ANKRD44: variants seen among roughly 807,000 people sequenced by gnomAD.
The protein encoded by ANKRD44 is serine/threonine-protein phosphatase 6 regulatory ankyrin repeat subunit B.
ANKRD44 carries 35 observed loss-of-function variants against 116.0 expected under a neutral mutation model. The ratio of observed to expected loss-of-function variants is 0.30; its 90% CI spans 0.23 to 0.40. The LOEUF is 0.40. Among genes scored for constraint, ANKRD44 ranks in the 10% least tolerant of loss-of-function variants. The pLI is 1.00. For synonymous variants in ANKRD44, 435 were observed against 461.8 expected (o/e 0.94, Z 0.74); for missense variants, 1,014 against 1,242.6 (o/e 0.82, Z 2.77).
intron 16 of ANKRD44, among the ~76,000 whole-genome samples, chr2:197,056,586 T>A (rs1301634435): frequency 6.6e-6 from 1 of 152,148 alleles, no homozygotes; most frequent in Non-Finnish European, 1.5e-5. Context: ...GGCAAAGTCA[T>A]TTATTTAGGA....
At position 197,037,285 on chromosome 2, in the gene ANKRD44, C is replaced by A. The variant is rs535010730; in HGVS notation, c.1651-12018G>T. Among the ~76,000 whole-genome samples, 42 of 152,272 alleles carry A rather than the reference C, an allele frequency of 2.8e-4. 1 individual carries two copies. The highest frequency in any genetic ancestry group is 5.9e-4 in the Admixed American group (9 of 15,298). Reference sequence around the variant, plus strand: ...TGAAATGGTTGAATCAGATGATTTCCAAGGTCCCTTTAGCTATATTCTGCA... The same window carrying A: ...TGAAATGGTTGAATCAGATGATTTCAAAGGTCCCTTTAGCTATATTCTGCA... On this transcript the variant is annotated intron_variant, in intron 16 of 27. Transcript: ENST00000282272.
chr2:197,215,610 G>A (rs1574290711), intron 1 of ANKRD44, among the ~76,000 whole-genome samples: 2 of 152,086 alleles, frequency 1.3e-5, no homozygotes, highest in Non-Finnish European at 2.9e-5. Context: ...ATTTCTAGTT[G>A]AATACTATGT....
intron 21 of ANKRD44, among the ~76,000 whole-genome samples, chr2:196,967,714 T>C (rs2075684073): frequency 1.3e-5 from 2 of 152,202 alleles, no homozygotes; most frequent in South Asian, 4.1e-4. Context: ...AAGCTGATCC[T>C]ACATTAGGAA....
rs1266007439 is a variant in ANKRD44, at chr2:197,081,649, T to C, written c.1534A>G (p.Thr512Ala). The change falls in exon 15 of 28, where the codon ACA (threonine) becomes GCA (alanine). Residue 512 changes from threonine (T) to alanine (A), a missense_variant. By Grantham distance (58) the Thr-to-Ala change is moderately conservative (BLOSUM62 0). Coordinates refer to ENST00000282272, the MANE Select transcript of ANKRD44 (RefSeq NM_001195144.2). ...RARELKEKEATLCLEFLLQND... is the reference protein window; with the variant it reads ...RARELKEKEAALCLEFLLQND... ...TTAAGCTGAGAAGAAACTTACAGTGTGGCTTCCTTTTCCTTCAGCTCCCTG... is the reference window on the plus strand; with the variant it reads ...TTAAGCTGAGAAGAAACTTACAGTGCGGCTTCCTTTTCCTTCAGCTCCCTG... The C allele has an allele frequency of 6.2e-7, 1 of 1,613,614 alleles. No individual in the cohort carries two copies. The highest frequency in any genetic ancestry group is 1.1e-5 in the South Asian group (1 of 91,044).
At chr2:197,043,163 T>C (rs2076942643) in intron 16 of ANKRD44, among the ~76,000 whole-genome samples, 1 of 152,200 alleles carries the variant, frequency 6.6e-6, no homozygotes, top group African/African-American at 2.4e-5. Context: ...AGAAGAGAGG[T>C]GAAACTGTTG....
intron 7 of ANKRD44, 74 bp downstream of exon 7, chr2:197,122,576 C>T (rs1447418884): frequency 1.6e-5 from 24 of 1,518,274 alleles, no homozygotes; most frequent in South Asian, 3.9e-5. Context: ...AAAGTGCAAA[C>T]AGGATTTAAC....
intron 16 of ANKRD44, among the ~76,000 whole-genome samples, chr2:197,041,455 C>T (rs999372224): frequency 1.3e-5 from 2 of 152,138 alleles, no homozygotes; most frequent in Non-Finnish European, 2.9e-5. Flanking sequence ...TTGGCTCAAG[C>T]ATCAACTATG....
chr2:197,242,110 TGCCTTTTATGTGCCAG>T (rs1320560596), intron 1 of ANKRD44, among the ~76,000 whole-genome samples: 2 of 152,198 alleles, frequency 1.3e-5, no homozygotes, highest in Admixed American at 1.3e-4. Flanking sequence ...ATTTATTGAA[TGCCTTTTATGTGCCAG>T]GAAATGCACT....
chr2:197,195,262 T>G (rs6758791), intron 1 of ANKRD44, among the ~76,000 whole-genome samples: 9 of 151,990 alleles, frequency 5.9e-5, no homozygotes, highest in Admixed American at 1.3e-4. Context: ...ATTACAGTCA[T>G]GAGCACTGTA....
At chr2:197,000,291 T>C in intron 23 of ANKRD44, 128 bp downstream of exon 23, 2 of 717,562 alleles carry the variant, frequency 2.8e-6, no homozygotes, top group Non-Finnish European at 4.6e-6. Context: ...ATACACCCTC[T>C]GTAATATTAA....
In ANKRD44 at chr2:196,987,927, C is replaced by T. The variant is rs1446208843; in HGVS notation, c.*1664G>A. 4.1e-6 allele frequency: 4 copies of T among 983,112 alleles called. No individual in the cohort carries two copies. The highest frequency in any genetic ancestry group is 1.8e-5 in the African/African-American group (1 of 56,940). 60.9% of individuals were successfully genotyped at this position (983,112 alleles called of 1,614,324 possible). A position where few individuals can be genotyped will look rare whatever the true frequency, so the allele number is the denominator to read the frequency against. On this transcript the variant is annotated 3_prime_UTR_variant, in exon 28 of 28. Transcript: ENST00000282272. ...ATACAGAAATGATAGTTTTTAAAGT[C>T]ATTTCTTTAAAAAAATTTTGCCTTG...
chr2:196,997,241 A>T (rs2076029347), intron 25 of ANKRD44, among the ~76,000 whole-genome samples: 1 of 151,952 alleles, frequency 6.6e-6, no homozygotes, highest in African/African-American at 2.4e-5. Context: ...ATATAACTGA[A>T]AACAAGTTAT....
At chr2:197,292,417 G>C (rs2083597807) in intron 1 of ANKRD44, among the ~76,000 whole-genome samples, 1 of 152,170 alleles carries the variant, frequency 6.6e-6, no homozygotes, top group South Asian at 2.1e-4. Flanking sequence ...GCATTTATCT[G>C]ATGACCAGTG....
chr2:197,081,810 C>A, intron 14 of ANKRD44, 85 bp from the exon 15 acceptor site: 1 of 1,117,760 alleles, frequency 8.9e-7, no homozygotes. Flanking sequence ...CAATTTATAT[C>A]TCAATGATTT....
intron 1 of ANKRD44, among the ~76,000 whole-genome samples, chr2:197,199,778 G>A (rs578082480): frequency 1.6e-4 from 25 of 152,230 alleles, no homozygotes; most frequent in Admixed American, 4.6e-4. Context: ...CAAAAATAAT[G>A]ATGTACTGAG....
At chr2:197,292,744 T>C (rs1227023799) in intron 1 of ANKRD44, among the ~76,000 whole-genome samples, 1 of 152,166 alleles carries the variant, frequency 6.6e-6, no homozygotes, top group Non-Finnish European at 1.5e-5. Flanking sequence ...ATCCTCTCAG[T>C]CCACCCAGGA....
At chr2:197,234,009 G>A (rs748808505) in intron 1 of ANKRD44, among the ~76,000 whole-genome samples, 6 of 152,088 alleles carry the variant, frequency 3.9e-5, no homozygotes, top group Admixed American at 6.6e-5. Context: ...TGTATATCTC[G>A]TTAACTGTTC....
At chr2:197,243,611 TTTATTG>T (rs1270064614) in intron 1 of ANKRD44, among the ~76,000 whole-genome samples, 2 of 152,206 alleles carry the variant, frequency 1.3e-5, no homozygotes, top group African/African-American at 4.8e-5. Context: ...ACAACAGAGA[TTTATTG>T]CTCACAGTTC....
intron 1 of ANKRD44, among the ~76,000 whole-genome samples, chr2:197,223,420 C>T (rs2081629345): frequency 6.6e-6 from 1 of 152,126 alleles, no homozygotes; most frequent in South Asian, 2.1e-4. Flanking sequence ...TGAAACTCAC[C>T]TTTTCCATTC....
Sources: allele counts gnomAD v4.1 joint callset (sites outside exome capture counted in the v4.1 genomes callset), GRCh38; gene constraint gnomAD v4.1.1; transcripts MANE v1.5; gene names NCBI Gene and HGNC (gene_info 2026-07-23, HGNC 2026-07-21).